The following TDRD12 variants were observed in gnomAD, a reference collection of about 807,000 sequenced individuals.
The protein encoded by TDRD12 is putative ATP-dependent RNA helicase TDRD12.
In TDRD12, 158 loss-of-function variants were observed where a neutral mutation model predicts 133.5. That is an observed-to-expected ratio of 1.18 (90% CI 1.04 to 1.35). TDRD12 has a LOEUF of 1.35. TDRD12 is among the 40% of genes most tolerant of loss of function. The pLI is 0.00. For synonymous variants in TDRD12, 460 were observed against 477.9 expected, an observed-to-expected ratio of 0.96 and a Z score of 0.49; for missense variants, 1,443 against 1,321.3, an observed-to-expected ratio of 1.09 and a Z score of -1.43.
At chr19:32,790,268 GA>G (rs1331032232) in intron 11 of TDRD12, among the ~76,000 whole-genome samples, 1 of 152,164 alleles carries the variant, frequency 6.6e-6, no homozygotes, top group East Asian at 1.9e-4. Context: ...ATAAAATAAA[GA>G]TAGTAAAGTA....
intron 3 of TDRD12, among the ~76,000 whole-genome samples, chr19:32,740,701 A>G (rs1347173411): frequency 2.0e-5 from 3 of 152,172 alleles, no homozygotes; most frequent in African/African-American, 4.8e-5. Flanking sequence ...TCCAGGAGGT[A>G]GAGAGAAACG....
intron 1 of TDRD12, among the ~76,000 whole-genome samples, chr19:32,729,562 G>C (rs1028534448): frequency 6.6e-6 from 1 of 151,132 alleles, no homozygotes; most frequent in Non-Finnish European, 1.5e-5. Context: ...TCCACAGCTT[G>C]TGTGTGTGTA....
At chr19:32,811,591 TACCAG>T (rs1205324372) in intron 24 of TDRD12, among the ~76,000 whole-genome samples, 171 bp downstream of exon 24, 5 of 152,070 alleles carry the variant, frequency 3.3e-5, no homozygotes, top group African/African-American at 1.2e-4. Context: ...CTCGGAGAGG[TACCAG>T]GCAGCTGCAA....
chr19:32,809,705 G>A (rs924505080), intron 22 of TDRD12, among the ~76,000 whole-genome samples: 1 of 152,198 alleles, frequency 6.6e-6, no homozygotes, highest in African/African-American at 2.4e-5. Flanking sequence ...CTGATATACA[G>A]TAGCTCTTAA....
exon 25 of TDRD12, chr19:32,813,717 A>G (rs779064133): frequency 6.5e-7 from 1 of 1,535,238 alleles, no homozygotes; most frequent in South Asian, 1.2e-5. Context: ...AATTGTTGGA[A>G]AATTGCATGA....
exon 21 of TDRD12, chr19:32,803,096 G>T: frequency 6.5e-7 from 1 of 1,535,356 alleles, no homozygotes; most frequent in South Asian, 1.2e-5. Flanking sequence ...AGATAAGAAA[G>T]CCGGAAGGCC....
At chr19:32,751,208 T>C (rs1969817340) in intron 6 of TDRD12, among the ~76,000 whole-genome samples, 2 of 151,236 alleles carry the variant, frequency 1.3e-5, no homozygotes, top group Non-Finnish European at 2.9e-5. Flanking sequence ...GCAGTGTTTG[T>C]TTTTCAGTTC....
chr19:32,806,128 A>G (rs1235645035), intron 21 of TDRD12, among the ~76,000 whole-genome samples: 1 of 152,156 alleles, frequency 6.6e-6, no homozygotes, highest in African/African-American at 2.4e-5. Context: ...CTTGGAGAGC[A>G]TGGGTACCTT....
At chr19:32,772,905 A>G (rs534621863) in intron 9 of TDRD12, 55 bp downstream of exon 9, 143 of 1,084,370 alleles carry the variant, frequency 1.3e-4, no homozygotes, top group African/African-American at 1.3e-3. Flanking sequence ...TTAATTTTCA[A>G]ATTTTCTCTT....
intron 8 of TDRD12, among the ~76,000 whole-genome samples, chr19:32,765,261 A>C (rs903777246): frequency 6.6e-6 from 1 of 152,202 alleles, no homozygotes; most frequent in African/African-American, 2.4e-5. Flanking sequence ...GAGGATGTGG[A>C]GAAATAGGAA....
At chr19:32,800,423 T>G in intron 17 of TDRD12, 65 bp downstream of exon 17, 6 of 1,236,304 alleles carry the variant, frequency 4.9e-6, no homozygotes, top group Non-Finnish European at 6.5e-6. Context: ...GGGGGGCTGA[T>G]GAACACAAGC....
downstream of TDRD12, chr19:32,826,044 G>C: frequency 3.0e-6 from 4 of 1,327,988 alleles, no homozygotes; most frequent in Non-Finnish European, 4.2e-6. Flanking sequence ...GTGTGTACAT[G>C]ATGGAGTTAC....
exon 3 of TDRD12, chr19:32,738,967 A>G (rs1003642761): frequency 4.5e-6 from 7 of 1,550,696 alleles, no homozygotes; most frequent in Admixed American, 2.0e-5. Context: ...GGACTTTGCC[A>G]AGAACATTCC....
At chr19:32,749,916 T>C in intron 6 of TDRD12, 47 bp downstream of exon 6, 1 of 1,350,902 alleles carries the variant, frequency 7.4e-7, no homozygotes, top group Non-Finnish European at 1.0e-6. Flanking sequence ...ATTTTAAATT[T>C]TACTTTAATA....
At chr19:32,801,720 C>A in intron 18 of TDRD12, 36 bp from the exon 19 acceptor site, 2 of 830,258 alleles carry the variant, frequency 2.4e-6, no homozygotes, top group South Asian at 2.1e-5. Flanking sequence ...GCCTATATCC[C>A]TGACTGTGAC....
At chr19:32,770,817 A>T (rs2145594160) in intron 8 of TDRD12, among the ~76,000 whole-genome samples, 1 of 152,378 alleles carries the variant, frequency 6.6e-6, no homozygotes, top group Admixed American at 6.5e-5. Context: ...CAGTTAATTC[A>T]TATAAAGCAT....
chr19:32,744,646 A>T (rs1969546022), intron 4 of TDRD12, among the ~76,000 whole-genome samples: 1 of 151,392 alleles, frequency 6.6e-6, no homozygotes, highest in Non-Finnish European at 1.5e-5. Context: ...TAGTGTTTGT[A>T]CAGGACAGAT....
intron 8 of TDRD12, among the ~76,000 whole-genome samples, chr19:32,768,119 C>T (rs1970349127): frequency 6.6e-6 from 1 of 152,104 alleles, no homozygotes; most frequent in East Asian, 1.9e-4. Context: ...TGGCCGCGCC[C>T]CAGGCCACCT....
chr19:32,757,402 C>T lies in TDRD12; in HGVS notation c.865+272C>T, dbSNP rs141364598. ...CTAGCCATCGACCAGTAATCACTGT[C>T]TGTCCCTAGAGTGTACATATGTATT... On this transcript the variant is annotated intron_variant, in intron 8 of 27. Coordinates refer to ENST00000444215, the Ensembl canonical transcript of TDRD12. Among the ~76,000 whole-genome samples, 277 of 152,298 alleles carry T rather than the reference C, an allele frequency of 1.8e-3. 3 individuals are homozygous for T. The highest frequency in any genetic ancestry group is 4.6e-3 in the South Asian group (22 of 4,830).
Sources: gnomAD v4.1 joint callset for allele counts (sites outside exome capture counted in the v4.1 genomes callset) on GRCh38, gnomAD v4.1.1 for gene constraint, MANE v1.5 for transcripts, NCBI Gene and HGNC (gene_info 2026-07-23, HGNC 2026-07-21) for gene names.